ZNF131: variants seen among roughly 807,000 people sequenced by gnomAD.
ZNF131 encodes zinc finger and BTB domain containing 35, also known as zinc finger protein 131.
A neutral mutation model predicts 60.0 loss-of-function variants in ZNF131; 7 were observed. The observed-to-expected ratio is 0.12, with a 90% CI of 0.07 to 0.22. ZNF131 has a LOEUF of 0.22. Among genes scored for constraint, ZNF131 ranks in the 10% least tolerant of loss-of-function variants. The pLI, the probability that ZNF131 is intolerant of heterozygous loss-of-function variation, is 1.00. For missense variants in ZNF131, 493 were observed against 740.9 expected (o/e 0.67, Z 3.88); for synonymous variants, 257 against 253.2 (o/e 1.01, Z -0.14).
chr5:43,123,522 G>A, intron 3 of ZNF131: 1 of 375,826 alleles, frequency 2.7e-6, no homozygotes, highest in Non-Finnish European at 4.7e-6. Context: ...TCAGTGAAGT[G>A]CTTGGTTGAA....
Position 43,174,713 on chromosome 5 carries a change from T to G in ZNF131, c.1452T>G (p.Leu484=), listed in dbSNP as rs1751386529. The G allele has an allele frequency of 6.2e-7, 1 of 1,614,084 alleles. No homozygotes were observed. The highest frequency in any genetic ancestry group is 1.3e-5 in the African/African-American group (1 of 74,928). The change falls in exon 7 of 7, where the codon CTT becomes CTG. Residue 484 remains leucine (L), a synonymous_variant. Transcript: ENST00000682664. ...GGAAGGTGCATGTGCTACCATTGCT[T>G]CAGGTTCAGGTGGATTCAGCACAAG... is the stretch of plus-strand genomic sequence containing the variant. ...QVGKVHVLPL[L]QVQVDSAQVT... is the part of the protein sequence containing the mutation.
intron 3 of ZNF131, among the ~76,000 whole-genome samples, chr5:43,136,188 AT>A (rs1456771811): frequency 1.5e-4 from 23 of 152,204 alleles, no homozygotes; most frequent in Non-Finnish European, 7.3e-5. Flanking sequence ...TTGTTGGAGC[AT>A]TTTGGATTTC....
intron 4 of ZNF131, among the ~76,000 whole-genome samples, chr5:43,157,377 A>AT (rs1409666225): frequency 6.6e-6 from 1 of 152,116 alleles, no homozygotes; most frequent in Non-Finnish European, 1.5e-5. Flanking sequence ...CTTCTTTTAC[A>AT]TTCATTGTAG....
In ZNF131 at chr5:43,161,851, A is replaced by G; in HGVS notation, c.974A>G (p.Lys325Arg). 5.0e-6 allele frequency: 8 copies of G among 1,614,138 alleles called. No individual in the cohort carries two copies. The highest frequency in any genetic ancestry group is 6.8e-6 in the Non-Finnish European group (8 of 1,180,032). The change falls in exon 5 of 7, where the codon AAA becomes AGA. Residue 325 changes from lysine (K) to arginine (R), a missense_variant. By Grantham distance (26) the Lys-to-Arg change is conservative (BLOSUM62 2). Around this residue, in one of 7 missense-constraint regions of ZNF131, gnomAD observed 22 missense variants for 26.7 expected, o/e 0.82. Transcript: ENST00000682664. ...GTCAGTAAGAAGCAAAGAACTGGGA[A>G]AAAAATTCATGTATGTCAGTACTGT... Reference protein sequence around the residue: ...GGVSKKQRTGKKIHVCQYCEK... With the variant: ...GGVSKKQRTGRKIHVCQYCEK...
Position 43,123,288 on chromosome 5 carries a change from A to G in ZNF131, c.204A>G (p.Gln68=), listed in dbSNP as rs763553293. 20 of 1,611,498 alleles carry G rather than the reference A, an allele frequency of 1.2e-5. No individual in the cohort carries two copies. Among genetic ancestry groups the G allele is most frequent in the African/African-American group, 2.7e-5 (2 of 74,972 alleles). Residue 68 remains glutamine, a synonymous_variant, in exon 3 of 7, where the codon CAA becomes CAG. Coordinates refer to ENST00000682664, the MANE Select transcript of ZNF131 (RefSeq NM_001330707.2). ...ACAAATTCTTTCAGGAGTTTACCCAAGAACCATTGGTGGAGATAGAAGGTA... is the reference window on the plus strand; with the variant it reads ...ACAAATTCTTTCAGGAGTTTACCCAGGAACCATTGGTGGAGATAGAAGGTA... ...FFYKFFQEFT[Q]EPLVEIEGVS... is the part of the protein sequence containing the mutation.
At position 43,161,231 on chromosome 5, in the gene ZNF131, C is replaced by G. The variant is rs779142030; in HGVS notation, c.372-18C>G. ...ATCTTCTTATAGATTTTTTAAACCC[C>G]TACATTATGTATTTCAGGAACAAAG... On this transcript the variant is annotated intron_variant, in intron 4 of 6. Coordinates refer to ENST00000682664, the MANE Select transcript of ZNF131 (RefSeq NM_001330707.2). 6.4e-7 allele frequency: 1 copy of G among 1,569,314 alleles called. No homozygotes were observed. Among genetic ancestry groups the G allele is most frequent in the East Asian group, 2.2e-5 (1 of 44,596 alleles).
chr5:43,123,039 T>G (rs531737393), intron 2 of ZNF131, among the ~76,000 whole-genome samples, 170 bp from the exon 3 acceptor site: 1 of 152,372 alleles, frequency 6.6e-6, no homozygotes, highest in East Asian at 1.9e-4. Context: ...GAGATTAACA[T>G]TTGCCAAGAT....
rs908692898 is a variant in ZNF131 at position 43,122,241 on chromosome 5, CCCG to C, written c.124+67_124+69del. 16 of 1,414,934 alleles carry C rather than the reference CCCG, an allele frequency of 1.1e-5. No homozygotes were observed. The African/African-American group carries it at 2.3e-4, about 21-fold the overall frequency. 87.6% of individuals were successfully genotyped at this position (1,414,934 alleles called of 1,614,324 possible). On this transcript the variant is annotated intron_variant, in intron 2 of 6. Coordinates refer to ENST00000682664, the MANE Select transcript of ZNF131 (RefSeq NM_001330707.2). Reference sequence around the variant, plus strand: ...TCAGTTTTTTTCTGTCCTTCGGACACCCGCCTTTTTTTTTTTTTTTTTTTTTTT... The same window carrying C: ...TCAGTTTTTTTCTGTCCTTCGGACACCCTTTTTTTTTTTTTTTTTTTTTTT...
intron 5 of ZNF131, among the ~76,000 whole-genome samples, chr5:43,163,125 A>C (rs933330580): frequency 6.6e-6 from 1 of 151,272 alleles, no homozygotes; most frequent in Non-Finnish European, 1.5e-5. Context: ...GGCGAGCACC[A>C]CCACGCCCCT....
chr5:43,138,744 G>T (rs904884348), intron 3 of ZNF131, among the ~76,000 whole-genome samples: 5 of 152,152 alleles, frequency 3.3e-5, no homozygotes, highest in African/African-American at 1.2e-4. Flanking sequence ...TTAAAATTTG[G>T]AAAGGTAAAT....
At chr5:43,150,587 C>G (rs531145042) in intron 4 of ZNF131, among the ~76,000 whole-genome samples, 5 of 152,046 alleles carry the variant, frequency 3.3e-5, no homozygotes, top group African/African-American at 1.2e-4. Flanking sequence ...GTCAGGAGTT[C>G]GAGACCAGCC....
In ZNF131 at chr5:43,144,210, C is replaced by T. The variant is rs182840009; in HGVS notation, c.371+4901C>T. Among the ~76,000 whole-genome samples, 317 of 146,488 alleles carry T rather than the reference C, an allele frequency of 2.2e-3. 11 individuals carry two copies. The East Asian group carries it at 0.039, about 18-fold the overall frequency. Reference sequence around the variant, plus strand: ...GTGCTGGGATTACAGGCGTGAGCCACGGCGCCTGGCCTTTTTTTCTTTCTT... The same window carrying T: ...GTGCTGGGATTACAGGCGTGAGCCATGGCGCCTGGCCTTTTTTTCTTTCTT... On this transcript the variant is annotated intron_variant, in intron 4 of 6. Transcript: ENST00000682664.
chr5:43,126,408 G>A (rs1164091853), intron 3 of ZNF131, among the ~76,000 whole-genome samples: 1 of 152,288 alleles, frequency 6.6e-6, no homozygotes, highest in East Asian at 1.9e-4. Flanking sequence ...TGCCATCCAT[G>A]CCATTGTGCA....
At chr5:43,125,651 G>A (rs978048291) in intron 3 of ZNF131, among the ~76,000 whole-genome samples, 1 of 151,790 alleles carries the variant, frequency 6.6e-6, no homozygotes, top group Non-Finnish European at 1.5e-5. Flanking sequence ...GTGGTGGTGG[G>A]CACCTGTAAT....
chr5:43,140,439 G>A (rs1408019673), intron 4 of ZNF131, among the ~76,000 whole-genome samples: 1 of 152,092 alleles, frequency 6.6e-6, no homozygotes, highest in Non-Finnish European at 1.5e-5. Flanking sequence ...GAGTAATAAC[G>A]GTACTTTCTA....
At chr5:43,140,408 G>C (rs1043344814) in intron 4 of ZNF131, among the ~76,000 whole-genome samples, 1 of 152,188 alleles carries the variant, frequency 6.6e-6, no homozygotes, top group Admixed American at 6.6e-5. Context: ...CCTGTCAGCT[G>C]TGTCCTCCTC....
intron 4 of ZNF131, among the ~76,000 whole-genome samples, chr5:43,149,712 CTTTT>C (rs943663139): frequency 1.3e-5 from 2 of 151,992 alleles, no homozygotes; most frequent in South Asian, 4.2e-4. Context: ...TATGGTCAGG[CTTTT>C]TTTTATTTTA....
intron 6 of ZNF131, 105 bp downstream of exon 6, chr5:43,173,553 G>T: frequency 7.4e-7 from 1 of 1,350,534 alleles, no homozygotes; most frequent in Non-Finnish European, 9.8e-7. Context: ...AGGGGCTGAC[G>T]GTTTGGAAAG....
chr5:43,165,664 A>G (rs1321871335), intron 5 of ZNF131, among the ~76,000 whole-genome samples: 1 of 152,212 alleles, frequency 6.6e-6, no homozygotes, highest in Non-Finnish European at 1.5e-5. Context: ...CAGGCAGAGT[A>G]CATGTAATAA....
Sources: gnomAD v4.1 joint callset for allele counts (sites outside exome capture counted in the v4.1 genomes callset) on GRCh38, gnomAD v4.1.1 for gene constraint, gnomAD v4.1.1 regional missense constraint, MANE v1.5 for transcripts, NCBI Gene and HGNC (gene_info 2026-07-23, HGNC 2026-07-21) for gene names.